Variants in AEBP2 observed in about 807,000 individuals in gnomAD.
The protein encoded by AEBP2 is AE binding protein 2, also known as zinc finger protein AEBP2.
AEBP2 carries 10 observed loss-of-function variants against 50.8 expected under a neutral mutation model. That is an observed-to-expected ratio of 0.20 (90% CI 0.12 to 0.33). AEBP2 has a LOEUF of 0.33. AEBP2 is among the 10% of genes least tolerant of loss of function. The probability of loss-of-function intolerance (pLI) is 1.00; values close to 1 mark genes in which losing one functional copy is unlikely to be tolerated. For missense variants in AEBP2, 570 were observed against 688.0 expected, an observed-to-expected ratio of 0.83 and a Z score of 1.92; for synonymous variants, 296 against 261.3, an observed-to-expected ratio of 1.13 and a Z score of -1.28.
chr12:19,445,201 A>G (rs7302932), intron 1 of AEBP2, among the ~76,000 whole-genome samples: 128,124 of 151,596 alleles, frequency 0.85, 54,356 homozygotes, highest in African/African-American at 0.91. Context: ...TATGTGACAG[A>G]TGCTTTATTT....
intron 6 of AEBP2, among the ~76,000 whole-genome samples, chr12:19,513,994 T>G (rs1189835573): frequency 6.6e-6 from 1 of 151,588 alleles, no homozygotes; most frequent in Non-Finnish European, 1.5e-5. Flanking sequence ...TTGTTTCTGT[T>G]TTTTGTTTTT....
intron 5 of AEBP2, among the ~76,000 whole-genome samples, chr12:19,509,825 T>C (rs1949207666): frequency 1.5e-5 from 2 of 131,242 alleles, no homozygotes; most frequent in Admixed American, 7.7e-5. Flanking sequence ...ACTTTCTTTT[T>C]TTTTTTTTTT....
At chr12:19,420,328 A>ATTTTTTT (rs780103252) in intron 1 of AEBP2, among the ~76,000 whole-genome samples, 4 of 76,586 alleles carry the variant, frequency 5.2e-5, no homozygotes, top group Admixed American at 1.9e-4. Flanking sequence ...TGTGCTGACC[A>ATTTTTTT]TTTTTTTTTT....
upstream of AEBP2, among the ~76,000 whole-genome samples, chr12:19,435,677 A>T (rs144116408): frequency 3.4e-3 from 514 of 152,286 alleles, 5 homozygotes; most frequent in African/African-American, 0.012. Flanking sequence ...TCTCAGTTTG[A>T]GTTCCCCAAC....
chr12:19,425,675 A>C (rs1357472069), intron 1 of AEBP2, among the ~76,000 whole-genome samples: 1 of 150,606 alleles, frequency 6.6e-6, no homozygotes, highest in Non-Finnish European at 1.5e-5. Context: ...TGGAAGGCTG[A>C]GACAGGAGAA....
chr12:19,515,169 C>T (rs1215745764), intron 7 of AEBP2, among the ~76,000 whole-genome samples: 2 of 152,050 alleles, frequency 1.3e-5, no homozygotes, highest in East Asian at 3.9e-4. Context: ...TTAGCTTACC[C>T]TTTCTCCAAA....
intron 5 of AEBP2, 103 bp downstream of exon 5, chr12:19,500,324 CAG>C (rs2120509139): frequency 8.9e-7 from 1 of 1,128,398 alleles, no homozygotes; most frequent in African/African-American, 1.6e-5. Context: ...TACAATTTAA[CAG>C]AAATCACAAA....
At chr12:19,473,993 T>C (rs566696053) in intron 3 of AEBP2, among the ~76,000 whole-genome samples, 3 of 152,262 alleles carry the variant, frequency 2.0e-5, no homozygotes, top group South Asian at 2.1e-4. Flanking sequence ...TGTTTTCTTA[T>C]TGTTAAAGGT....
At chr12:19,436,613 TCTTA>T (rs1947864541), upstream of AEBP2, among the ~76,000 whole-genome samples, 1 of 145,440 alleles carries the variant, frequency 6.9e-6, no homozygotes, top group African/African-American at 2.6e-5. Context: ...GGGGATAAGG[TCTTA>T]CTCTATTGCC....
intron 5 of AEBP2, among the ~76,000 whole-genome samples, chr12:19,503,678 T>G (rs962322114): frequency 2.5e-4 from 35 of 142,268 alleles, no homozygotes; most frequent in African/African-American, 3.4e-4. Flanking sequence ...CATCCTTGGG[T>G]TTTTTTTTTT....
upstream of AEBP2, among the ~76,000 whole-genome samples, chr12:19,438,376 C>A (rs1947882897): frequency 6.6e-6 from 1 of 152,174 alleles, no homozygotes; most frequent in African/African-American, 2.4e-5. Flanking sequence ...TCCATTCATT[C>A]TCATCTGCTT....
chr12:19,421,240 A>G (rs1282343854), intron 1 of AEBP2, among the ~76,000 whole-genome samples: 1 of 148,084 alleles, frequency 6.8e-6, no homozygotes, highest in Non-Finnish European at 1.5e-5. Context: ...GCTACTCAGG[A>G]TGCTGAGCCA....
chr12:19,423,093 A>AAAAAAAG, intron 1 of AEBP2, among the ~76,000 whole-genome samples: 3 of 150,254 alleles, frequency 2.0e-5, no homozygotes, highest in Non-Finnish European at 4.4e-5. Context: ...AAAAAAAAAA[A>AAAAAAAG]AGAACATCTG....
intron 1 of AEBP2, among the ~76,000 whole-genome samples, chr12:19,417,641 C>T (rs1306134686): frequency 6.6e-6 from 1 of 151,296 alleles, no homozygotes; most frequent in Non-Finnish European, 1.5e-5. Context: ...CTCTTGGCCT[C>T]AAGTGATCCT....
intron 1 of AEBP2, chr12:19,456,623 C>A (rs1357117537): frequency 6.6e-7 from 1 of 1,521,592 alleles, no homozygotes; most frequent in Admixed American, 1.7e-5. Flanking sequence ...TGAAGCCAGC[C>A]GCTTCCATTG....
chr12:19,513,933 TTTTA>T (rs1403616505), intron 6 of AEBP2, among the ~76,000 whole-genome samples: 2 of 151,226 alleles, frequency 1.3e-5, no homozygotes, highest in Non-Finnish European at 2.9e-5. Flanking sequence ...CTTACAGGGT[TTTTA>T]TTTATTTCTT....
intron 3 of AEBP2, among the ~76,000 whole-genome samples, chr12:19,474,104 A>C (rs1208990482): frequency 6.6e-6 from 1 of 152,228 alleles, no homozygotes; most frequent in African/African-American, 2.4e-5. Context: ...TTGAGGTCAC[A>C]CTACTGAGCT....
At chr12:19,419,790 C>T (rs1196859251) in intron 1 of AEBP2, among the ~76,000 whole-genome samples, 1 of 150,564 alleles carries the variant, frequency 6.6e-6, no homozygotes, top group Non-Finnish European at 1.5e-5. Flanking sequence ...ATTAGCCGGG[C>T]GTGGTGGTGT....
In AEBP2 at chr12:19,405,189, A is replaced by AC. The variant is rs564574341; in HGVS notation, c.-17+973_-17+974insC. Among the ~76,000 whole-genome samples, 11 of 152,040 alleles carry AC rather than the reference A, an allele frequency of 7.2e-5. 1 individual carries two copies. In the South Asian group the frequency reaches 1.2e-3, roughly 17 times the overall value. On this transcript the variant is annotated intron_variant, in intron 1 of 3. Transcript: ENST00000538425. ...AGTGATCTGTCCGACTCGTCCTCCC[A>AC]AAGTGCTGGGGTTACAGGCGTGAGC...
Sources: gnomAD v4.1 joint callset for allele counts (sites outside exome capture counted in the v4.1 genomes callset) on GRCh38, gnomAD v4.1.1 for gene constraint, MANE v1.5 for transcripts, NCBI Gene and HGNC (gene_info 2026-07-23, HGNC 2026-07-21) for gene names.